The following POLRMT variants were observed in gnomAD, a reference collection of about 807,000 sequenced individuals.
POLRMT encodes RNA polymerase mitochondrial.
A neutral mutation model predicts 132.2 loss-of-function variants in POLRMT; 114 were observed. That is an observed-to-expected ratio of 0.86 (90% CI 0.74 to 1.01). The LOEUF (loss-of-function observed/expected upper bound fraction) is 1.01. Ranked by LOEUF, POLRMT falls within the 50% of genes least tolerant of loss-of-function variation. The pLI is 0.00. For synonymous variants in POLRMT, 1,020 were observed against 773.4 expected, an observed-to-expected ratio of 1.32 and a Z score of -5.29; for missense variants, 2,003 against 1,729.1, an observed-to-expected ratio of 1.16 and a Z score of -2.81.
At chr19:632,535 CCG>C (rs373200793) in intron 2 of POLRMT, among the ~76,000 whole-genome samples, 9,670 of 100,744 alleles carry the variant, frequency 0.096, 775 homozygotes, top group African/African-American at 0.28. Context: ...GGCGGCGGGG[CCG>C]GGGGGGGGGT....
rs559722442 is a variant in POLRMT at position 619,220 on chromosome 19, C to T, written c.3143G>A (p.Arg1048Gln). 23 of 1,610,850 alleles carry T rather than the reference C, an allele frequency of 1.4e-5. No individual in the cohort carries two copies. The highest frequency in any genetic ancestry group is 6.6e-5 in the South Asian group (6 of 90,902). The change falls in exon 14 of 21, where the codon CGG becomes CAG. Residue 1048 changes from arginine (R) to glutamine (Q), a missense_variant. Arg to Gln is a conservative substitution (Grantham distance 43). Transcript: ENST00000588649. ...KSLQEMFSGT[R>Q]AIQHWLTESA... ...CAGGACAGGACGTACCTGGATGGCC[C>T]GGGTCCCCGAGAACATCTCCTGTAG... is the stretch of plus-strand genomic sequence containing the variant.
chr19:624,830 ATCC>A lies in POLRMT; in HGVS notation c.1026_1028del (p.Glu342del). ...GCACGGCCTTCAGAACAGTGGCCCG[ATCC>A]TCCTCAGACAGCAGAACGGCGGTGA... On this transcript the variant is annotated inframe_deletion, in exon 5 of 21. Transcript: ENST00000588649. The A allele has an allele frequency of 2.5e-6, 4 of 1,613,400 alleles. No homozygotes were observed. Among genetic ancestry groups the A allele is most frequent in the African/African-American group, 1.3e-5 (1 of 75,034 alleles).
chr19:623,510 C>A lies in POLRMT; in HGVS notation c.1234G>T (p.Val412Leu). 1.2e-6 allele frequency: 2 copies of A among 1,613,420 alleles called. No homozygotes were observed. Among genetic ancestry groups the A allele is most frequent in the Admixed American group, 1.7e-5 (1 of 60,032 alleles). The change falls in exon 6 of 21, where the codon GTG becomes TTG. Residue 412 changes from valine (V) to leucine (L), a missense_variant. Physicochemically the swap from Val to Leu is conservative, Grantham distance 32. Transcript: ENST00000588649. Reference protein sequence around the residue: ...KQLHMELASRVCVVSVEKPTL... With the variant: ...KQLHMELASRLCVVSVEKPTL... ...GGCTTCTCCACGGACACCACGCACA[C>A]CCTGCTGGCCAGCTCCATGTGGAGC...
At position 617,422 on chromosome 19, in the gene POLRMT, G is replaced by C. The variant is rs924169151; in HGVS notation, c.3640C>G (p.Pro1214Ala). 1.2e-6 allele frequency: 2 copies of C among 1,612,162 alleles called. No individual in the cohort carries two copies. The highest frequency in any genetic ancestry group is 1.3e-5 in the African/African-American group (1 of 74,888). ...GCGAGGCTGCCCACCCGCCTACCTG[G>C]CTTGGGCACCGCCTGCAGTGTCTCC... ...LKETLQAVPK[P>A]GAFDLEQVKR... Residue 1214 changes from proline to alanine, a missense_variant, in exon 20 of 21, where the codon CCA (proline) becomes GCA (alanine). Physicochemically the swap from Pro to Ala is conservative, Grantham distance 27. Coordinates refer to ENST00000588649, the MANE Select transcript of POLRMT (RefSeq NM_005035.4).
At chr19:619,399 CAG>C in intron 13 of POLRMT, 103 bp from the exon 14 acceptor site, 1 of 1,408,316 alleles carries the variant, frequency 7.1e-7, no homozygotes, top group Non-Finnish European at 9.9e-7. Context: ...TAGGGCCTAG[CAG>C]GGGGGCAGGG....
In POLRMT at chr19:630,111, T is replaced by C. The variant is rs1192565016; in HGVS notation, c.251A>G (p.Asn84Ser). The change falls in exon 3 of 21, where the codon AAC becomes AGC. Residue 84 changes from asparagine to serine, a missense_variant. Coordinates refer to ENST00000588649, the MANE Select transcript of POLRMT (RefSeq NM_005035.4). ...TGGGAGCCGCGCCACATCCACCCTGTTCACCACCACCTCCGACACGCTCTC... is the reference window on the plus strand; with the variant it reads ...TGGGAGCCGCGCCACATCCACCCTGCTCACCACCACCTCCGACACGCTCTC... ...QAESVSEVVV[N>S]RVDVARLPEC... is the part of the protein sequence containing the mutation. The C allele has an allele frequency of 6.2e-7, 1 of 1,612,940 alleles. No individual in the cohort carries two copies. The highest frequency in any genetic ancestry group is 8.5e-7 in the Non-Finnish European group (1 of 1,179,634).
rs923172736 is a variant in POLRMT, at chr19:618,781, G to T, written c.3268-21C>A. ...ATTTGCTAAAAAGGGGAAGGGGCCG[G>T]TGAGTCCCACCCGAGGCCCAGCACG... On this transcript the variant is annotated intron_variant, in intron 15 of 20. Coordinates refer to ENST00000588649, the MANE Select transcript of POLRMT (RefSeq NM_005035.4). 3.8e-6 allele frequency: 6 copies of T among 1,582,438 alleles called. No homozygotes were observed. In the East Asian group the frequency reaches 1.4e-4, roughly 37 times the overall value.
chr19:622,496 T>C, intron 8 of POLRMT, 86 bp downstream of exon 8: 3 of 1,485,790 alleles, frequency 2.0e-6, no homozygotes, highest in Admixed American at 2.3e-5. Context: ...AGACTGAAGC[T>C]TGGGTGCAAA....
At chr19:627,578 T>C (rs548959210) in intron 3 of POLRMT, among the ~76,000 whole-genome samples, 31 of 152,252 alleles carry the variant, frequency 2.0e-4, no homozygotes, top group African/African-American at 6.5e-4. Context: ...ACACAGCTGT[T>C]GGCAGATGCG....
chr19:620,302 C>T, intron 11 of POLRMT, 63 bp downstream of exon 11: 1 of 1,485,816 alleles, frequency 6.7e-7, no homozygotes, highest in Non-Finnish European at 9.0e-7. Context: ...CTCACACCCT[C>T]AAGTCGAGCC....
rs868102788 is a variant in POLRMT at position 621,426 on chromosome 19, G to C, written c.2272C>G (p.Leu758Val). Residue 758 changes from leucine to valine, a missense_variant, in exon 10 of 21, where the codon CTG becomes GTG. By Grantham distance (32) the Leu-to-Val change is conservative. Coordinates refer to ENST00000588649, the MANE Select transcript of POLRMT (RefSeq NM_005035.4). The stretch of plus-strand genomic sequence containing the variant: ...TGGCAGTGCGCCAGCTCACGGCGCA[G>C]CTCGGCCTTGCGGGCGGGCGCGGCG... Reference protein sequence around the residue: ...HSAAPARKAELRRELAHCQKV... With the variant: ...HSAAPARKAEVRRELAHCQKV... The C allele has an allele frequency of 1.2e-5, 17 of 1,475,344 alleles. 1 individual carries two copies. In the Admixed American group the frequency reaches 3.1e-4, roughly 27 times the overall value. The allele number at this position is 1,475,344 out of a possible 1,614,324, so 91.4% of individuals were successfully genotyped here.
In POLRMT at chr19:629,911, C is replaced by T. The variant is rs764500242; in HGVS notation, c.451G>A (p.Gly151Arg). 8 of 1,613,424 alleles carry T rather than the reference C, an allele frequency of 5.0e-6. No homozygotes were observed. Among genetic ancestry groups the T allele is most frequent in the South Asian group, 3.3e-5 (3 of 91,072 alleles). Residue 151 changes from glycine (G) to arginine (R), a missense_variant, in exon 3 of 21, where the codon GGG (glycine) becomes AGG (arginine). Gly to Arg is a moderately radical substitution (Grantham distance 125). Coordinates refer to ENST00000588649, the MANE Select transcript of POLRMT (RefSeq NM_005035.4). The part of the protein sequence containing the change: ...KAKLQMPFQS[G>R]EFKALTRRLQ... Reference sequence around the variant, plus strand: ...CGCCTGGTCAGCGCCTTGAACTCCCCGCTCTGGAATGGCATCTGCAGCTTC... The same window carrying T: ...CGCCTGGTCAGCGCCTTGAACTCCCTGCTCTGGAATGGCATCTGCAGCTTC...
At position 617,772 on chromosome 19, in the gene POLRMT, G is replaced by A; in HGVS notation, c.3495+5C>T. 1 of 1,613,234 alleles carries A rather than the reference G, an allele frequency of 6.2e-7. No individual in the cohort carries two copies. Among genetic ancestry groups the A allele is most frequent in the Non-Finnish European group, 8.5e-7 (1 of 1,179,846 alleles). On this transcript the variant is annotated splice_donor_5th_base_variant and intron_variant, in intron 18 of 20. Coordinates refer to ENST00000588649, the MANE Select transcript of POLRMT (RefSeq NM_005035.4). Reference sequence around the variant, plus strand: ...GGTGGACTGAGGCTCAGACTACGGGGGCACCTGGTTCATGACGGAGACATC... The same window carrying A: ...GGTGGACTGAGGCTCAGACTACGGGAGCACCTGGTTCATGACGGAGACATC...
chr19:618,792 C>A, intron 15 of POLRMT, 32 bp from the exon 16 acceptor site: 1 of 1,570,552 alleles, frequency 6.4e-7, no homozygotes, highest in Non-Finnish European at 8.6e-7. Context: ...TGAGTCCCAC[C>A]CGAGGCCCAG....
At position 629,918 on chromosome 19, in the gene POLRMT, G is replaced by A. The variant is rs150838232; in HGVS notation, c.444C>T (p.Phe148=). Residue 148 remains phenylalanine (F), a synonymous_variant, in exon 3 of 21, where the codon TTC becomes TTT. Coordinates refer to ENST00000588649, the MANE Select transcript of POLRMT (RefSeq NM_005035.4). Reference sequence around the variant, plus strand: ...TCAGCGCCTTGAACTCCCCGCTCTGGAATGGCATCTGCAGCTTCGCCTTCA... The same window carrying A: ...TCAGCGCCTTGAACTCCCCGCTCTGAAATGGCATCTGCAGCTTCGCCTTCA... ...QRLKAKLQMP[F]QSGEFKALTR... 17 of 1,613,496 alleles carry A rather than the reference G, an allele frequency of 1.1e-5. No homozygotes were observed.
At chr19:628,206 G>T (rs1985159860) in intron 3 of POLRMT, among the ~76,000 whole-genome samples, 2 of 152,208 alleles carry the variant, frequency 1.3e-5, no homozygotes, top group African/African-American at 4.8e-5. Context: ...CGTGCTAAGA[G>T]TGCGTTTCTG....
Position 618,601 on chromosome 19 carries a change from G to C in POLRMT, c.3324-15C>G. 6.2e-7 allele frequency: 1 copy of C among 1,606,504 alleles called. No individual in the cohort carries two copies. The highest frequency in any genetic ancestry group is 2.2e-5 in the East Asian group (1 of 44,634). On this transcript the variant is annotated splice_polypyrimidine_tract_variant and intron_variant, in intron 16 of 20. Coordinates refer to ENST00000588649, the MANE Select transcript of POLRMT (RefSeq NM_005035.4). ...TGTTGGGCTTTCTGAGGACGGAACA[G>C]GTGCCGGTGGGGGCGGCCCAGGGAC...
Position 629,660 on chromosome 19 carries a change from C to G in POLRMT, c.702G>C (p.Leu234=). The change falls in exon 3 of 21, where the codon CTG becomes CTC. Residue 234 remains leucine (L), a synonymous_variant. Transcript: ENST00000588649. ...GGGCGAGGGGCAGCTGGTCAGTGAG[C>G]AGGCAGCACTTGAAGAAGGCCAGGA... ...QRLLAFFKCC[L]LTDQLPLAHH... 1 of 1,610,326 alleles carries G rather than the reference C, an allele frequency of 6.2e-7. No individual in the cohort carries two copies. Among genetic ancestry groups the G allele is most frequent in the Non-Finnish European group, 8.5e-7 (1 of 1,179,494 alleles).
chr19:630,343 C>T (rs769389183), intron 2 of POLRMT, among the ~76,000 whole-genome samples, 175 bp from the exon 3 acceptor site: 29 of 152,138 alleles, frequency 1.9e-4, no homozygotes, highest in Non-Finnish European at 3.8e-4. Context: ...GCTTTCCAGA[C>T]ACACGCACCC....
Sources: gnomAD v4.1 joint callset for allele counts (sites outside exome capture counted in the v4.1 genomes callset) on GRCh38, gnomAD v4.1.1 for gene constraint, MANE v1.5 for transcripts, NCBI Gene and HGNC (gene_info 2026-07-23, HGNC 2026-07-21) for gene names.